The following CD99L2 variants were observed in gnomAD, a reference collection of about 807,000 sequenced individuals.
The protein encoded by CD99L2 is CD99 molecule like 2, also known as CD99 antigen-like protein 2.
In CD99L2, 24 loss-of-function variants were observed where a neutral mutation model predicts 27.3. That is an observed-to-expected ratio of 0.88 (90% CI 0.64 to 1.24). The LOEUF is 1.24. Ranked by LOEUF, CD99L2 falls within the 50% of genes most tolerant of loss-of-function variation. The pLI is 0.00. For missense variants in CD99L2, 255 were observed against 221.6 expected (o/e 1.15, Z -0.96); for synonymous variants, 97 against 87.9 (o/e 1.10, Z -0.58).
intron 1 of CD99L2, among the ~76,000 whole-genome samples, chrX:150,868,265 C>T (rs932486208): frequency 4.5e-5 from 5 of 111,618 alleles, no homozygotes; most frequent in African/African-American, 1.3e-4. Context: ...CAGTGGCTCA[C>T]GCCTATAATC....
intron 1 of CD99L2, among the ~76,000 whole-genome samples, chrX:150,867,847 C>G (rs1380271637): frequency 2.4e-5 from 2 of 82,994 alleles, no homozygotes. Flanking sequence ...GAGCCGAGAT[C>G]GTGCCACTGC....
intron 1 of CD99L2, among the ~76,000 whole-genome samples, chrX:150,861,783 G>A (rs1306268868): frequency 1.8e-5 from 2 of 109,564 alleles, no homozygotes; most frequent in Non-Finnish European, 3.8e-5. Flanking sequence ...GCGGGCGCCT[G>A]TAATCTCAGC....
intron 7 of CD99L2, among the ~76,000 whole-genome samples, chrX:150,787,145 T>C (rs1603289481): frequency 8.9e-6 from 1 of 112,414 alleles, no homozygotes; most frequent in Non-Finnish European, 1.9e-5. Context: ...TTTGCAAATA[T>C]TTTCTCACAT....
At chrX:150,859,424 G>A (rs529960756) in intron 1 of CD99L2, among the ~76,000 whole-genome samples, 7 of 110,719 alleles carry the variant, frequency 6.3e-5, no homozygotes, top group Admixed American at 1.9e-4. Flanking sequence ...GCTTGAACCC[G>A]AGAGGGGGAG....
At chrX:150,794,850 A>G (rs1358895248) in intron 6 of CD99L2, among the ~76,000 whole-genome samples, 14 of 112,389 alleles carry the variant, frequency 1.2e-4, no homozygotes, top group African/African-American at 4.5e-4. Context: ...CAAAAATGTA[A>G]CAGCGTGCCG....
chrX:150,793,043 C>G (rs1276935467), intron 7 of CD99L2, among the ~76,000 whole-genome samples: 1 of 111,544 alleles, frequency 9.0e-6, no homozygotes, highest in Non-Finnish European at 1.9e-5. Flanking sequence ...ATTTTATAGA[C>G]CTACCCATAC....
intron 1 of CD99L2, among the ~76,000 whole-genome samples, chrX:150,893,469 C>A (rs1156891181): frequency 9.2e-6 from 1 of 108,946 alleles, no homozygotes; most frequent in Non-Finnish European, 1.9e-5. Flanking sequence ...GGATCCCAGC[C>A]TGGCATCTCA....
In CD99L2 at chrX:150,831,190, C is replaced by T. The variant is rs782793312; in HGVS notation, c.130+41G>A. 5.9e-6 allele frequency: 6 copies of T among 1,011,639 alleles called. No homozygotes were observed. In the South Asian group the frequency reaches 1.2e-4, roughly 20 times the overall value. 83.4% of individuals were successfully genotyped at this position (1,011,639 alleles called of 1,213,427 possible). ...CTGAGTGGATGATACACATTAATCA[C>T]TACTGTTTGTTTTTAATAGTTTATT... is the stretch of plus-strand genomic sequence containing the variant. On this transcript the variant is annotated intron_variant, in intron 2 of 10. Transcript: ENST00000370377.
At chrX:150,855,424 G>A (rs1406478571) in intron 1 of CD99L2, among the ~76,000 whole-genome samples, 1 of 111,788 alleles carries the variant, frequency 8.9e-6, no homozygotes, top group Non-Finnish European at 1.9e-5. Context: ...CAGTCATGGT[G>A]GTAGGTAAAG....
At position 150,768,852 on chromosome X, in the gene CD99L2, A is replaced by C. The variant is rs1419545313; in HGVS notation, c.*182T>G. Reference sequence around the variant, plus strand: ...TTGAATTTCGGCACCAAGTCTCAGCACGCTTGGGGCAGGGCAGAGAAACCA... The same window carrying C: ...TTGAATTTCGGCACCAAGTCTCAGCCCGCTTGGGGCAGGGCAGAGAAACCA... On this transcript the variant is annotated 3_prime_UTR_variant, in exon 11 of 11. Transcript: ENST00000370377. 9 of 968,322 alleles carry C rather than the reference A, an allele frequency of 9.3e-6. No individual in the cohort carries two copies. The highest frequency in any genetic ancestry group is 1.2e-5 in the Non-Finnish European group (9 of 770,218). The allele number at this position is 968,322 out of a possible 1,213,427, so 79.8% of individuals were successfully genotyped here.
chrX:150,846,590 T>C (rs2046707582), intron 1 of CD99L2, among the ~76,000 whole-genome samples: 1 of 112,165 alleles, frequency 8.9e-6, no homozygotes, highest in Admixed American at 9.5e-5. Context: ...AATATTATTA[T>C]TAAATTTGGT....
Position 150,768,526 on chromosome X carries a change from C to T in CD99L2, c.*508G>A, listed in dbSNP as rs189935097. On this transcript the variant is annotated 3_prime_UTR_variant, in exon 11 of 11. Transcript: ENST00000370377. ...GTGTGTGGTGTTACTTGGTGCTGAC[C>T]GGTTCGCTCCTTGCAGGGGCTCCAA... The T allele has an allele frequency of 1.0e-4, 12 of 115,156 alleles. No homozygotes were observed. The highest frequency in any genetic ancestry group is 7.2e-4 in the South Asian group (2 of 2,771). 9.5% of individuals were successfully genotyped at this position (115,156 alleles called of 1,213,427 possible).
At chrX:150,889,386 GT>G (rs1414432231) in intron 1 of CD99L2, among the ~76,000 whole-genome samples, 3 of 110,354 alleles carry the variant, frequency 2.7e-5, no homozygotes, top group Non-Finnish European at 5.7e-5. Context: ...TCACATCTCA[GT>G]TTTTTTTCCC....
At chrX:150,800,605 T>C (rs1419493861) in intron 4 of CD99L2, among the ~76,000 whole-genome samples, 1 of 111,516 alleles carries the variant, frequency 9.0e-6, no homozygotes, top group Non-Finnish European at 1.9e-5. Flanking sequence ...TCAAAGGATT[T>C]TGGTATTTGC....
intron 4 of CD99L2, among the ~76,000 whole-genome samples, chrX:150,800,492 G>T (rs1557420053): frequency 9.0e-6 from 1 of 111,446 alleles, no homozygotes; most frequent in Non-Finnish European, 1.9e-5. Flanking sequence ...GCATTATATT[G>T]TATTAGGTAT....
chrX:150,816,101 C>A, intron 2 of CD99L2, 23 bp from the exon 3 acceptor site: 1 of 1,189,083 alleles, frequency 8.4e-7, no homozygotes, highest in Non-Finnish European at 1.1e-6. Context: ...GGGAGGACAG[C>A]AAGGGGAGCA....
rs186738927 is a variant in CD99L2, at chrX:150,781,499, C to T, written c.497-4017G>A. Among the ~76,000 whole-genome samples the T allele has an allele frequency of 4.6e-3, 509 of 111,709 alleles. 7 individuals are homozygous for T. Among genetic ancestry groups the T allele is most frequent in the African/African-American group, 0.016 (480 of 30,690 alleles). On this transcript the variant is annotated intron_variant, in intron 7 of 10. Transcript: ENST00000370377. ...AAGAGGCAATTTCACAGGTCACTGG[C>T]GGACTCTTCAGTTTCAGTATGTTTT...
At chrX:150,864,634 T>C (rs1430199732) in intron 1 of CD99L2, among the ~76,000 whole-genome samples, 4 of 111,919 alleles carry the variant, frequency 3.6e-5, no homozygotes, top group Non-Finnish European at 5.6e-5. Flanking sequence ...CCTAGGACAA[T>C]TGGAAGCAAC....
intron 4 of CD99L2, among the ~76,000 whole-genome samples, chrX:150,812,312 T>A (rs1379418271): frequency 8.9e-6 from 1 of 112,215 alleles, no homozygotes; most frequent in Non-Finnish European, 1.9e-5. Context: ...TATATCTGAC[T>A]AAGGACAAAT....
Sources: gnomAD v4.1 joint callset for allele counts (sites outside exome capture counted in the v4.1 genomes callset) on GRCh38, gnomAD v4.1.1 for gene constraint, MANE v1.5 for transcripts, NCBI Gene and HGNC (gene_info 2026-07-23, HGNC 2026-07-21) for gene names.